The following PRKAR1B variants were observed in gnomAD, a reference collection of about 807,000 sequenced individuals.
The protein encoded by PRKAR1B is protein kinase cAMP-dependent type I regulatory subunit beta, also known as cAMP-dependent protein kinase type I-beta regulatory subunit.
In PRKAR1B, 22 loss-of-function variants were observed where a neutral mutation model predicts 46.5. That is an observed-to-expected ratio of 0.47 (90% CI 0.34 to 0.68). The LOEUF is 0.68. Among genes scored for constraint, PRKAR1B ranks in the 30% least tolerant of loss-of-function variants. The pLI is 0.01. For synonymous variants in PRKAR1B, 259 were observed against 217.7 expected, an observed-to-expected ratio of 1.19 and a Z score of -1.67; for missense variants, 445 against 535.6, an observed-to-expected ratio of 0.83 and a Z score of 1.67.
At chr7:604,248 C>A (rs1781857057) in intron 6 of PRKAR1B, among the ~76,000 whole-genome samples, 1 of 152,240 alleles carries the variant, frequency 6.6e-6, no homozygotes, top group South Asian at 2.1e-4. Flanking sequence ...ATTTCCTGGG[C>A]TAGGCTTTTT....
intron 4 of PRKAR1B, among the ~76,000 whole-genome samples, chr7:643,130 T>C (rs1168371405): frequency 6.6e-6 from 1 of 151,638 alleles, no homozygotes; most frequent in Non-Finnish European, 1.5e-5. Context: ...AATCAGACTC[T>C]GCCATTGCAA....
chr7:698,509 C>T (rs114976222), intron 2 of PRKAR1B, among the ~76,000 whole-genome samples: 6,457 of 151,862 alleles, frequency 0.043, 427 homozygotes, highest in African/African-American at 0.14. Context: ...TAAGTACGTG[C>T]GTGAGCATGT....
chr7:700,650 A>C (rs1780006947), intron 2 of PRKAR1B, among the ~76,000 whole-genome samples: 2 of 152,162 alleles, frequency 1.3e-5, no homozygotes, highest in Non-Finnish European at 2.9e-5. Flanking sequence ...GGAATCAGCA[A>C]AGAAATCAAA....
chr7:568,931 G>A (rs992248891), intron 9 of PRKAR1B, among the ~76,000 whole-genome samples: 2 of 151,876 alleles, frequency 1.3e-5, no homozygotes, highest in South Asian at 2.1e-4. Context: ...ATGGAAAGCC[G>A]GGGCCCGCGG....
intron 7 of PRKAR1B, among the ~76,000 whole-genome samples, chr7:586,417 A>G (rs1780600803): frequency 6.6e-6 from 1 of 152,224 alleles, no homozygotes; most frequent in African/African-American, 2.4e-5. Flanking sequence ...GCCAGGTTGT[A>G]AAAGATACTG....
At chr7:583,356 C>G (rs1014265480) in intron 8 of PRKAR1B, among the ~76,000 whole-genome samples, 1 of 151,380 alleles carries the variant, frequency 6.6e-6, no homozygotes, top group African/African-American at 2.4e-5. Flanking sequence ...TGCACACACA[C>G]AGGCGCACAC....
At chr7:552,328 CG>C (rs1367485859) in intron 9 of PRKAR1B, among the ~76,000 whole-genome samples, 64 of 115,104 alleles carry the variant, frequency 5.6e-4, no homozygotes, top group African/African-American at 1.4e-3. Context: ...GGGTCCTTCC[CG>C]CAGAGCCACT....
intron 2 of PRKAR1B, among the ~76,000 whole-genome samples, chr7:685,298 A>ATATATACG (rs1562615611): frequency 6.8e-4 from 10 of 14,810 alleles, no homozygotes; most frequent in African/African-American, 2.0e-3. Flanking sequence ...ATGTATACAT[A>ATATATACG]TATATATACG....
chr7:581,012 G>A (rs367835822), intron 8 of PRKAR1B, among the ~76,000 whole-genome samples: 1 of 152,066 alleles, frequency 6.6e-6, no homozygotes, highest in African/African-American at 2.4e-5. Flanking sequence ...CTAAAAACAG[G>A]GTCCGTACCA....
intron 7 of PRKAR1B, among the ~76,000 whole-genome samples, chr7:594,193 C>G (rs1298164743): frequency 1.3e-5 from 2 of 152,150 alleles, no homozygotes; most frequent in African/African-American, 4.8e-5. Context: ...CCCAGGCTGG[C>G]CTTCCAGGAG....
chr7:612,448 G>A (rs111491198), intron 4 of PRKAR1B, among the ~76,000 whole-genome samples: 9,365 of 150,254 alleles, frequency 0.062, 329 homozygotes, highest in Middle Eastern at 0.094. Flanking sequence ...GTAGATTTGA[G>A]TAGATTAGTG....
chr7:581,220 G>A (rs1424687165), intron 8 of PRKAR1B, among the ~76,000 whole-genome samples: 3 of 151,038 alleles, frequency 2.0e-5, no homozygotes, highest in South Asian at 2.1e-4. Flanking sequence ...GGAGAATGGC[G>A]TGAACCCGGG....
At chr7:603,097 C>CT in intron 6 of PRKAR1B, 1 of 152,404 alleles carries the variant, frequency 6.6e-6, no homozygotes, top group Admixed American at 6.5e-5. Context: ...AGCAGAATTC[C>CT]TGGGGGTGGC....
rs1269538045 is a variant in PRKAR1B, at chr7:588,867, ATGT to A, written c.709-4302_709-4300del. On this transcript the variant is annotated intron_variant, in intron 7 of 10. Transcript: ENST00000537384. ...AATGGTGGTGATGGTGATGGTGGTG[ATGT>A]TGGTGAGGATAGTGACAGTGGTGGT... Among the ~76,000 whole-genome samples the A allele has an allele frequency of 7.8e-5, 4 of 51,158 alleles. 1 individual carries two copies. Among genetic ancestry groups the A allele is most frequent in the African/African-American group, 1.7e-4 (2 of 11,634 alleles). The allele number at this position is 51,158 out of a possible 152,430, so 33.6% of individuals were successfully genotyped here. A position where few individuals can be genotyped will look rare whatever the true frequency, so the allele number is the denominator to read the frequency against.
intron 9 of PRKAR1B, among the ~76,000 whole-genome samples, chr7:576,442 C>T (rs111924907): frequency 7.2e-5 from 11 of 152,216 alleles, no homozygotes; most frequent in Non-Finnish European, 8.8e-5. Context: ...ACGGCTCCCC[C>T]GCAAGGACCC....
chr7:711,674 G>A (rs1583452728), intron 1 of PRKAR1B, 147 bp from the exon 2 acceptor site: 2 of 794,956 alleles, frequency 2.5e-6, no homozygotes, highest in African/African-American at 1.7e-5. Context: ...TCATTCTGTG[G>A]GGCCAGGTGA....
intron 1 of PRKAR1B, chr7:726,856 CG>C: frequency 7.6e-7 from 1 of 1,317,942 alleles, no homozygotes; most frequent in Non-Finnish European, 9.6e-7. Flanking sequence ...CAAGCCGGGC[CG>C]GCGGCGCGCC....
intron 9 of PRKAR1B, among the ~76,000 whole-genome samples, chr7:558,810 T>C (rs1023857371): frequency 3.3e-5 from 5 of 152,144 alleles, no homozygotes; most frequent in Non-Finnish European, 5.9e-5. Context: ...TCAGCTTCCT[T>C]GGAAGGGGCC....
intron 2 of PRKAR1B, among the ~76,000 whole-genome samples, chr7:706,286 A>G (rs1780318002): frequency 6.6e-6 from 1 of 152,120 alleles, no homozygotes; most frequent in Non-Finnish European, 1.5e-5. Flanking sequence ...AAATCATACC[A>G]CTGTACTCTA....
Sources: gnomAD v4.1 joint callset for allele counts (sites outside exome capture counted in the v4.1 genomes callset) on GRCh38, gnomAD v4.1.1 for gene constraint, MANE v1.5 for transcripts, NCBI Gene and HGNC (gene_info 2026-07-23, HGNC 2026-07-21) for gene names.